TMPRSS11D: variants seen among roughly 807,000 people sequenced by gnomAD.
The protein encoded by TMPRSS11D is transmembrane protease serine 11D.
TMPRSS11D carries 32 observed loss-of-function variants against 44.4 expected under a neutral mutation model. The observed-to-expected ratio is 0.72, with a 90% confidence interval of 0.54 to 0.97. The LOEUF (loss-of-function observed/expected upper bound fraction) is 0.97, where lower values mean the gene tolerates loss of function less well. Among genes scored for constraint, TMPRSS11D ranks in the 50% least tolerant of loss-of-function variants. The probability of loss-of-function intolerance (pLI) is 0.00; values close to 1 mark genes in which losing one functional copy is unlikely to be tolerated. For missense variants in TMPRSS11D, 446 were observed against 502.6 expected, an observed-to-expected ratio of 0.89 and a Z score of 1.08; for synonymous variants, 179 against 177.9, an observed-to-expected ratio of 1.01 and a Z score of -0.05.
At chr4:67,824,926 A>G (rs1351290781) in intron 9 of TMPRSS11D, among the ~76,000 whole-genome samples, 2 of 152,146 alleles carry the variant, frequency 1.3e-5, no homozygotes, top group Non-Finnish European at 2.9e-5. Context: ...AAACCTATTA[A>G]AACATATAAC....
rs371003575 is a variant in TMPRSS11D, at chr4:67,834,938, G to A, written c.514+145C>T. 1.7e-4 allele frequency: 128 copies of A among 732,962 alleles called. No homozygotes were observed. In the African/African-American group the frequency reaches 2.1e-3, roughly 12 times the overall value. The allele number at this position is 732,962 out of a possible 1,614,324, so 45.4% of individuals were successfully genotyped here. A position where few individuals can be genotyped will look rare whatever the true frequency, so the allele number is the denominator to read the frequency against. ...CCATGGGACACTTGGGATCAGCACT[G>A]TCTTGTTTCAACACCACCTGAGCGA... On this transcript the variant is annotated intron_variant, in intron 6 of 9. Coordinates refer to ENST00000283916, the MANE Select transcript of TMPRSS11D (RefSeq NM_004262.3).
chr4:67,877,908 T>C (rs1214460866), intron 1 of TMPRSS11D, among the ~76,000 whole-genome samples: 2 of 152,232 alleles, frequency 1.3e-5, no homozygotes, highest in Admixed American at 1.3e-4. Flanking sequence ...TTGTTCTCTA[T>C]ATGAAGCTAG....
In TMPRSS11D at chr4:67,827,302, G is replaced by T; in HGVS notation, c.911C>A (p.Ser304Tyr). The change falls in exon 8 of 10, where the codon TCT becomes TAT. Residue 304 changes from serine (S) to tyrosine (Y), a missense_variant. Transcript: ENST00000283916. ...GCCCCATCCTGTTACATAAGCAGTA[G>T]AGCCAGGTGGAATATTCTGGGTAGC... is the stretch of plus-strand genomic sequence containing the variant. ...PAATQNIPPG[S>Y]TAYVTGWGAQ... is the part of the protein sequence containing the mutation. The T allele has an allele frequency of 6.2e-7, 1 of 1,613,070 alleles. No individual in the cohort carries two copies. The highest frequency in any genetic ancestry group is 1.3e-5 in the African/African-American group (1 of 74,932).
At chr4:67,834,304 C>G (rs927174356) in intron 6 of TMPRSS11D, among the ~76,000 whole-genome samples, 1 of 152,084 alleles carries the variant, frequency 6.6e-6, no homozygotes, top group African/African-American at 2.4e-5. Context: ...GAGGACCAGG[C>G]TTCCATTAAG....
In TMPRSS11D at chr4:67,859,563, C is replaced by A. The variant is rs757852121; in HGVS notation, c.124G>T (p.Ala42Ser). ...ATAATGTTCTGGTACTTACCAAAAG[C>A]TAAAAAGTAAACAAGTAGAGCTATG... is the stretch of plus-strand genomic sequence containing the variant. ...VTIALLVYFL[A>S]FDQKSYFYRS... Residue 42 changes from alanine (A) to serine (S), a missense_variant, in exon 2 of 10, where the codon GCT (alanine) becomes TCT (serine). Transcript: ENST00000283916. 1.9e-6 allele frequency: 3 copies of A among 1,612,488 alleles called. No homozygotes were observed. The African/African-American group carries it at 4.0e-5, about 22-fold the overall frequency.
At chr4:67,837,018 G>C (rs1341544821) in intron 5 of TMPRSS11D, among the ~76,000 whole-genome samples, 1 of 152,014 alleles carries the variant, frequency 6.6e-6, no homozygotes, top group Non-Finnish European at 1.5e-5. Context: ...AGTGATCATT[G>C]CCTGGGCCTC....
In TMPRSS11D at chr4:67,842,474, T is replaced by A. The variant is rs1718256039; in HGVS notation, c.317+84A>T. On this transcript the variant is annotated intron_variant, in intron 4 of 9. Transcript: ENST00000283916. ...TATTACAACAACTTATCTGAACATG[T>A]CATTTACTATTCATTCTGTGACAAA... The A allele has an allele frequency of 4.3e-6, 5 of 1,169,920 alleles. No individual in the cohort carries two copies. In the South Asian group the frequency reaches 6.4e-5, roughly 15 times the overall value. 72.5% of individuals were successfully genotyped at this position (1,169,920 alleles called of 1,614,324 possible).
intron 1 of TMPRSS11D, among the ~76,000 whole-genome samples, chr4:67,880,306 A>G (rs1262941289): frequency 6.6e-6 from 1 of 152,212 alleles, no homozygotes; most frequent in Non-Finnish European, 1.5e-5. Flanking sequence ...AAAAAGCAAA[A>G]GGAGAGAATG....
At chr4:67,841,124 T>A (rs1054215043) in intron 4 of TMPRSS11D, among the ~76,000 whole-genome samples, 1 of 152,040 alleles carries the variant, frequency 6.6e-6, no homozygotes, top group Non-Finnish European at 1.5e-5. Context: ...GAATTATCCA[T>A]GTGATGGTAC....
At chr4:67,843,810 T>C (rs2196965) in intron 3 of TMPRSS11D, among the ~76,000 whole-genome samples, 108,527 of 152,060 alleles carry the variant, frequency 0.71, 41,138 homozygotes, top group Middle Eastern at 0.84. Flanking sequence ...GCTGTCCCAG[T>C]TATTTGGGAG....
rs548900078 is a variant in TMPRSS11D at position 67,847,669 on chromosome 4, C to CTAGG, written c.250-5045_250-5044insCCTA. 6.7e-3 allele frequency among the ~76,000 whole-genome samples: 1,017 copies of CTAGG among 152,290 alleles called. 15 individuals are homozygous for CTAGG. Among genetic ancestry groups the CTAGG allele is most frequent in the African/African-American group, 0.023 (974 of 41,558 alleles). ...TGTTCCCCTAAGGCATAAGACCAAA[C>CTAGG]AAGGATGCTAGTGTCAATCCTGTTT... On this transcript the variant is annotated intron_variant, in intron 3 of 9. Transcript: ENST00000283916.
intron 2 of TMPRSS11D, among the ~76,000 whole-genome samples, chr4:67,857,301 AT>A (rs1718670526): frequency 1.1e-3 from 1 of 926 alleles, no homozygotes; most frequent in African/African-American, 2.1e-3. Flanking sequence ...ATATATATAT[AT>A]ATATATATAT....
chr4:67,842,453 A>T, intron 4 of TMPRSS11D, 105 bp downstream of exon 4: 1 of 1,060,084 alleles, frequency 9.4e-7, no homozygotes, highest in Non-Finnish European at 1.4e-6. Flanking sequence ...TCATAATATT[A>T]CAACAACTTA....
intron 9 of TMPRSS11D, 108 bp downstream of exon 9, chr4:67,825,624 G>C: frequency 8.4e-7 from 1 of 1,197,210 alleles, no homozygotes; most frequent in Non-Finnish European, 1.1e-6. Flanking sequence ...TAGAGGAACA[G>C]GGCTGTGTAT....
At chr4:67,823,096 C>A (rs1402258378) in intron 9 of TMPRSS11D, among the ~76,000 whole-genome samples, 1 of 152,128 alleles carries the variant, frequency 6.6e-6, no homozygotes, top group Non-Finnish European at 1.5e-5. Flanking sequence ...GAGAACATAC[C>A]TATTCTGTTC....
chr4:67,822,614 G>A (rs952310785), intron 9 of TMPRSS11D, 116 bp from the exon 10 acceptor site: 1 of 1,147,944 alleles, frequency 8.7e-7, no homozygotes, highest in African/African-American at 1.5e-5. Context: ...AATAAAGTCA[G>A]CCTATTTCCT....
In TMPRSS11D at chr4:67,883,994, CAAAT is replaced by C. The variant is rs1488801262; in HGVS notation, c.-65_-62del. ...ACTCAACTGCTTTGAGATTCCCACT[CAAAT>C]GAATGACTCTCATGTATTACGTGTG... On this transcript the variant is annotated 5_prime_UTR_variant, in exon 1 of 10. Coordinates refer to ENST00000283916, the MANE Select transcript of TMPRSS11D (RefSeq NM_004262.3). 1.1e-5 allele frequency: 16 copies of C among 1,485,160 alleles called. No individual in the cohort carries two copies. The East Asian group carries it at 2.1e-4, about 19-fold the overall frequency. 92.0% of individuals were successfully genotyped at this position (1,485,160 alleles called of 1,614,324 possible). A position where few individuals can be genotyped will look rare whatever the true frequency, so the allele number is the denominator to read the frequency against.
chr4:67,878,022 G>A (rs1033064642), intron 1 of TMPRSS11D, among the ~76,000 whole-genome samples: 4 of 152,174 alleles, frequency 2.6e-5, no homozygotes, highest in African/African-American at 9.6e-5. Flanking sequence ...AAATGAAAAC[G>A]GGGTAATTTA....
chr4:67,843,814 T>G (rs1718294213), intron 3 of TMPRSS11D, among the ~76,000 whole-genome samples: 1 of 152,118 alleles, frequency 6.6e-6, no homozygotes, highest in Admixed American at 6.5e-5. Flanking sequence ...TCCCAGTTAT[T>G]TGGGAGGCTG....
Sources: gnomAD v4.1 joint callset for allele counts (sites outside exome capture counted in the v4.1 genomes callset) on GRCh38, gnomAD v4.1.1 for gene constraint, MANE v1.5 for transcripts, NCBI Gene and HGNC (gene_info 2026-07-23, HGNC 2026-07-21) for gene names.